The following CAST variants were observed in gnomAD, a reference collection of about 807,000 sequenced individuals.
CAST encodes calpastatin, also known as MIR583 host.
In CAST, 76 loss-of-function variants were observed where a neutral mutation model predicts 119.6. The observed-to-expected ratio is 0.64, with a 90% CI of 0.53 to 0.77. The LOEUF (loss-of-function observed/expected upper bound fraction) is 0.77, where lower values mean the gene tolerates loss of function less well. CAST is among the 30% of genes least tolerant of loss of function. The pLI is 0.00. For synonymous variants in CAST, 319 were observed against 331.6 expected (o/e 0.96, Z 0.41); for missense variants, 953 against 946.5 (o/e 1.01, Z -0.09).
the CAST span, among the ~76,000 whole-genome samples, chr5:96,122,608 T>C: frequency 6.6e-6 from 1 of 152,198 alleles, no homozygotes; most frequent in African/African-American, 2.4e-5. Flanking sequence ...GTGGTTCTCT[T>C]GCATCCATGT....
At chr5:96,671,383 G>A (rs181051792) in intron 1 of CAST, among the ~76,000 whole-genome samples, 14 of 152,090 alleles carry the variant, frequency 9.2e-5, no homozygotes, top group East Asian at 1.9e-4. Context: ...GTTATTTTTC[G>A]TGCCTTTTGT....
the CAST span, chr5:96,429,251 C>T: frequency 6.2e-7 from 1 of 1,600,728 alleles, no homozygotes; most frequent in Non-Finnish European, 8.6e-7. Flanking sequence ...ATATGAAAGG[C>T]ACTCCTTCGA....
intron 1 of CAST, among the ~76,000 whole-genome samples, chr5:96,619,596 C>T (rs367750485): frequency 2.1e-4 from 32 of 152,292 alleles, no homozygotes; most frequent in Admixed American, 9.2e-4. Flanking sequence ...TTTGGGTCTG[C>T]GCTTCCTTTA....
the CAST span, among the ~76,000 whole-genome samples, chr5:96,518,746 G>A: frequency 2.0e-5 from 3 of 152,214 alleles, no homozygotes; most frequent in African/African-American, 7.2e-5. Context: ...AAGAATCGCT[G>A]TGAGGGGCCT....
At chr5:96,512,198 G>A in the CAST span, among the ~76,000 whole-genome samples, 1 of 152,242 alleles carries the variant, frequency 6.6e-6, no homozygotes, top group African/African-American at 2.4e-5. Flanking sequence ...AATTGCACAT[G>A]TATTAGTATA....
At chr5:96,120,895 C>G in the CAST span, among the ~76,000 whole-genome samples, 2 of 151,802 alleles carry the variant, frequency 1.3e-5, no homozygotes, top group Non-Finnish European at 2.9e-5. Context: ...TACTTTTTCT[C>G]CAGATAGCCA....
chr5:96,446,163 A>G, the CAST span, among the ~76,000 whole-genome samples: 1 of 145,606 alleles, frequency 6.9e-6, no homozygotes, highest in African/African-American at 2.7e-5. Flanking sequence ...ACAGCTCCAA[A>G]ATAATTTTTA....
chr5:96,050,214 C>T, the CAST span: 1 of 152,270 alleles, frequency 6.6e-6, no homozygotes, highest in African/African-American at 2.4e-5. Flanking sequence ...AAGAAGTGGA[C>T]ATGAGGTTGA....
chr5:96,049,101 G>C, the CAST span, among the ~76,000 whole-genome samples: 5 of 152,184 alleles, frequency 3.3e-5, no homozygotes, highest in Admixed American at 6.5e-5. Flanking sequence ...CTTTGAAAAG[G>C]TTAGGAAAAT....
At chr5:95,981,048 G>A in the CAST span, among the ~76,000 whole-genome samples, 1 of 152,114 alleles carries the variant, frequency 6.6e-6, no homozygotes, top group Non-Finnish European at 1.5e-5. Context: ...GTGAGGACAG[G>A]CTGGAAAAGG....
At chr5:96,267,799 G>A in the CAST span, among the ~76,000 whole-genome samples, 2 of 152,148 alleles carry the variant, frequency 1.3e-5, no homozygotes, top group East Asian at 3.8e-4. Flanking sequence ...TGCTGTAATT[G>A]TGTTATGCAA....
chr5:96,095,159 C>G, the CAST span, among the ~76,000 whole-genome samples: 1 of 152,158 alleles, frequency 6.6e-6, no homozygotes, highest in Non-Finnish European at 1.5e-5. Context: ...GCATTTTGAC[C>G]AAAATGCAGC....
chr5:96,127,961 T>C, the CAST span, among the ~76,000 whole-genome samples: 2 of 152,130 alleles, frequency 1.3e-5, no homozygotes, highest in Non-Finnish European at 2.9e-5. Flanking sequence ...GCTCTACAGA[T>C]TAATTTTTGT....
At chr5:96,015,610 T>G in the CAST span, among the ~76,000 whole-genome samples, 1 of 152,184 alleles carries the variant, frequency 6.6e-6, no homozygotes, top group African/African-American at 2.4e-5. Context: ...AGAAAGGGAC[T>G]GATTTGCCAA....
intron 1 of CAST, chr5:96,630,967 A>T (rs1747810591): frequency 7.1e-6 from 1 of 140,556 alleles, no homozygotes; most frequent in Non-Finnish European, 1.6e-5. Flanking sequence ...TCTCTTACAG[A>T]GTCTCCACCT....
chr5:96,465,500 T>G, the CAST span, among the ~76,000 whole-genome samples: 2 of 152,158 alleles, frequency 1.3e-5, no homozygotes, highest in Non-Finnish European at 2.9e-5. Context: ...TTCTTTTTTA[T>G]TCGCCAAATT....
chr5:96,121,827 G>A, the CAST span, among the ~76,000 whole-genome samples: 1 of 152,030 alleles, frequency 6.6e-6, no homozygotes, highest in African/African-American at 2.4e-5. Flanking sequence ...ACTAAGCAAG[G>A]TGCTTTGATC....
intron 3 of CAST, among the ~76,000 whole-genome samples, chr5:96,710,223 T>G (rs768213364): frequency 1.3e-5 from 2 of 152,188 alleles, no homozygotes; most frequent in Non-Finnish European, 2.9e-5. Flanking sequence ...TATCCTAATA[T>G]CTTATGTGAT....
chr5:96,101,939 GCA>G, the CAST span, among the ~76,000 whole-genome samples: 1 of 152,216 alleles, frequency 6.6e-6, no homozygotes, highest in Non-Finnish European at 1.5e-5. Flanking sequence ...GCTGCTTTGG[GCA>G]CTGGCAGGAG....
Sources: allele counts gnomAD v4.1 joint callset (sites outside exome capture counted in the v4.1 genomes callset), GRCh38; gene constraint gnomAD v4.1.1; transcripts MANE v1.5; gene names NCBI Gene and HGNC (gene_info 2026-07-23, HGNC 2026-07-21).